The following FARSB variants were observed in gnomAD, a reference collection of about 807,000 sequenced individuals.
FARSB encodes the protein phenylalanine--tRNA ligase beta subunit.
FARSB carries 40 observed loss-of-function variants against 69.6 expected under a neutral mutation model. The ratio of observed to expected loss-of-function variants is 0.57; its 90% CI spans 0.45 to 0.75. The LOEUF (loss-of-function observed/expected upper bound fraction) is 0.75, where lower values mean the gene tolerates loss of function less well. Among genes scored for constraint, FARSB ranks in the 30% least tolerant of loss-of-function variants. The probability of loss-of-function intolerance (pLI) is 0.00; values close to 1 mark genes in which losing one functional copy is unlikely to be tolerated. For missense variants in FARSB, 632 were observed against 722.9 expected (o/e 0.87, Z 1.44); for synonymous variants, 235 against 247.2 (o/e 0.95, Z 0.46).
intron 1 of FARSB, among the ~76,000 whole-genome samples, chr2:222,651,861 C>G (rs981955646): frequency 1.1e-4 from 17 of 152,186 alleles, no homozygotes; most frequent in African/African-American, 3.6e-4. Flanking sequence ...AGCTGTAAAG[C>G]ACATGCTTTC....
At chr2:222,612,354 T>G (rs1690877306) in intron 15 of FARSB, among the ~76,000 whole-genome samples, 1 of 152,224 alleles carries the variant, frequency 6.6e-6, no homozygotes, top group Non-Finnish European at 1.5e-5. Flanking sequence ...CTGGGCAAAT[T>G]ACCACTTTCT....
intron 16 of FARSB, among the ~76,000 whole-genome samples, chr2:222,587,857 C>G (rs968744365): frequency 1.3e-5 from 2 of 152,078 alleles, no homozygotes; most frequent in Non-Finnish European, 2.9e-5. Context: ...GAAATTGAGG[C>G]AATAATTAAG....
chr2:222,600,694 T>C (rs779768772), intron 15 of FARSB, among the ~76,000 whole-genome samples: 13 of 152,186 alleles, frequency 8.5e-5, no homozygotes, highest in Non-Finnish European at 5.9e-5. Flanking sequence ...CTAAATTACA[T>C]TGTTTAAAGA....
chr2:222,581,206 C>G (rs1689961192), intron 16 of FARSB, among the ~76,000 whole-genome samples: 1 of 152,170 alleles, frequency 6.6e-6, no homozygotes, highest in Non-Finnish European at 1.5e-5. Context: ...AACGGGCCTC[C>G]TGTCATTTTT....
chr2:222,634,703 T>G (rs552937894), intron 5 of FARSB, among the ~76,000 whole-genome samples, 162 bp from the exon 6 acceptor site: 1 of 152,214 alleles, frequency 6.6e-6, no homozygotes, highest in Non-Finnish European at 1.5e-5. Flanking sequence ...ATATTGCTAC[T>G]ACATGGCATC....
chr2:222,571,686 G>A lies in FARSB; in HGVS notation c.*185C>T. On this transcript the variant is annotated 3_prime_UTR_variant, in exon 17 of 17. Coordinates refer to ENST00000281828, the MANE Select transcript of FARSB (RefSeq NM_005687.5). ...AGCTTCACACACAGACACCACACTG[G>A]TATATGGCACAAGCTGGCCTAATAT... The A allele has an allele frequency of 1.8e-6, 1 of 557,518 alleles. No individual in the cohort carries two copies. The highest frequency in any genetic ancestry group is 3.2e-6 in the Non-Finnish European group (1 of 312,504). 34.5% of individuals were successfully genotyped at this position (557,518 alleles called of 1,614,324 possible). A position where few individuals can be genotyped will look rare whatever the true frequency, so the allele number is the denominator to read the frequency against.
intron 16 of FARSB, among the ~76,000 whole-genome samples, chr2:222,577,600 C>CTTA (rs1689868898): frequency 1.3e-5 from 2 of 152,154 alleles, no homozygotes; most frequent in South Asian, 4.1e-4. Context: ...CCTGTAGGAC[C>CTTA]TTATGCTTCA....
intron 16 of FARSB, among the ~76,000 whole-genome samples, chr2:222,582,356 G>A (rs535943548): frequency 5.9e-5 from 9 of 152,308 alleles, no homozygotes; most frequent in African/African-American, 2.2e-4. Context: ...TCAGCTGAAA[G>A]AGTAGAAGAG....
At chr2:222,580,084 T>C (rs1221218311) in intron 16 of FARSB, among the ~76,000 whole-genome samples, 1 of 152,090 alleles carries the variant, frequency 6.6e-6, no homozygotes, top group Non-Finnish European at 1.5e-5. Flanking sequence ...ACAAACAACA[T>C]ATTCATTACA....
chr2:222,615,097 A>T (rs906811314), intron 14 of FARSB, among the ~76,000 whole-genome samples: 5 of 151,990 alleles, frequency 3.3e-5, no homozygotes, highest in South Asian at 4.2e-4. Flanking sequence ...CTGGTACATT[A>T]AAAAAAAGCA....
intron 15 of FARSB, among the ~76,000 whole-genome samples, chr2:222,601,566 T>C (rs1294045517): frequency 6.6e-6 from 1 of 152,218 alleles, no homozygotes; most frequent in Non-Finnish European, 1.5e-5. Flanking sequence ...AGGATAATTT[T>C]TTCCAACTTT....
At chr2:222,596,077 C>CT (rs1459196837) in intron 16 of FARSB, among the ~76,000 whole-genome samples, 1 of 152,086 alleles carries the variant, frequency 6.6e-6, no homozygotes, top group Non-Finnish European at 1.5e-5. Flanking sequence ...CTGTCATCAA[C>CT]TTGACATTCT....
At chr2:222,637,191 G>C (rs191049519) in intron 5 of FARSB, among the ~76,000 whole-genome samples, 2 of 152,182 alleles carry the variant, frequency 1.3e-5, no homozygotes, top group Non-Finnish European at 2.9e-5. Context: ...AAAATATATG[G>C]AGCAATAGTT....
At chr2:222,596,499 T>C (rs80076906) in intron 16 of FARSB, among the ~76,000 whole-genome samples, 4,000 of 152,256 alleles carry the variant, frequency 0.026, 81 homozygotes, top group Middle Eastern at 0.048. Flanking sequence ...AGCTCAATTA[T>C]AACTGCAAAG....
chr2:222,590,631 T>A (rs1302029261), intron 16 of FARSB, among the ~76,000 whole-genome samples: 1 of 152,114 alleles, frequency 6.6e-6, no homozygotes, highest in Non-Finnish European at 1.5e-5. Flanking sequence ...AAATTATTGT[T>A]AATTTTGTGT....
At chr2:222,632,971 G>T (rs1183522869) in intron 7 of FARSB, among the ~76,000 whole-genome samples, 1 of 151,974 alleles carries the variant, frequency 6.6e-6, no homozygotes, top group South Asian at 2.1e-4. Context: ...CCAAAACCTA[G>T]CATCAGAAAA....
At chr2:222,599,860 C>T in intron 16 of FARSB, 68 bp downstream of exon 16, 1 of 1,264,684 alleles carries the variant, frequency 7.9e-7, no homozygotes, top group Non-Finnish European at 1.1e-6. Context: ...CTACCAACTT[C>T]ATCAAAAACA....
chr2:222,583,092 T>C (rs1690014977), intron 16 of FARSB, among the ~76,000 whole-genome samples: 1 of 152,062 alleles, frequency 6.6e-6, no homozygotes, highest in South Asian at 2.1e-4. Flanking sequence ...GAGGGGAACA[T>C]GTTAAAAGCA....
At chr2:222,626,696 C>T (rs1401269043) in intron 10 of FARSB, among the ~76,000 whole-genome samples, 1 of 152,074 alleles carries the variant, frequency 6.6e-6, no homozygotes, top group African/African-American at 2.4e-5. Context: ...TCCTTTTCTT[C>T]CCAAAAATAT....
Sources: allele counts gnomAD v4.1 joint callset (sites outside exome capture counted in the v4.1 genomes callset), GRCh38; gene constraint gnomAD v4.1.1; transcripts MANE v1.5; gene names NCBI Gene and HGNC (gene_info 2026-07-23, HGNC 2026-07-21).